COL27A1: variants seen among roughly 807,000 people sequenced by gnomAD.
COL27A1 encodes the protein collagen alpha-1(XXVII) chain.
Under a neutral mutation model 251.3 loss-of-function variants are expected in COL27A1, and 106 were observed. That is an observed-to-expected ratio of 0.42 (90% confidence interval 0.36 to 0.50). The LOEUF (loss-of-function observed/expected upper bound fraction) is 0.50, where lower values mean the gene tolerates loss of function less well. COL27A1 is among the 20% of genes least tolerant of loss of function. COL27A1 has a pLI of 0.00. For synonymous variants in COL27A1, 1,000 were observed against 986.3 expected, an observed-to-expected ratio of 1.01 and a Z score of -0.26; for missense variants, 2,325 against 2,522.8, an observed-to-expected ratio of 0.92 and a Z score of 1.68.
At chr9:114,246,546 G>C (rs539442341) in intron 24 of COL27A1, among the ~76,000 whole-genome samples, 11 of 152,190 alleles carry the variant, frequency 7.2e-5, no homozygotes, top group Non-Finnish European at 8.8e-5. Flanking sequence ...TTAACCTCTT[G>C]GCTCCAAGGT....
chr9:114,210,874 A>T, intron 11 of COL27A1, 108 bp from the exon 12 acceptor site: 1 of 1,101,028 alleles, frequency 9.1e-7, no homozygotes, highest in Non-Finnish European at 1.4e-6. Context: ...CACACATTCC[A>T]GGCCCTCTGT....
At chr9:114,222,202 T>G in intron 13 of COL27A1, 21 bp from the exon 14 acceptor site, 11 of 1,612,456 alleles carry the variant, frequency 6.8e-6, no homozygotes, top group Non-Finnish European at 8.5e-6. Flanking sequence ...AGTAACCACC[T>G]TGGTCTCTCT....
chr9:114,265,082 G>T lies in COL27A1; in HGVS notation c.3311G>T (p.Arg1104Leu), dbSNP rs146653470. The T allele has an allele frequency of 6.2e-7, 1 of 1,610,934 alleles. No individual in the cohort carries two copies. The highest frequency in any genetic ancestry group is 8.5e-7 in the Non-Finnish European group (1 of 1,178,478). The change falls in exon 31 of 61, where the codon CGA becomes CTA. Residue 1104 changes from arginine to leucine, a missense_variant. Arg to Leu is a moderately radical substitution (Grantham distance 102). Around this residue, in one of 4 missense-constraint regions of COL27A1, gnomAD observed 662 missense variants for 795.3 expected, o/e 0.83. Transcript: ENST00000356083. Reference protein sequence around the residue: ...RPGQQGVAGERGHLGSRGFPG... With the variant: ...RPGQQGVAGELGHLGSRGFPG... ...TGCTTCCAGGGTGTGGCTGGTGAGC[G>T]AGGCCACTTGGGCTCGAGAGGCTTT...
intron 25 of COL27A1, 138 bp from the exon 26 acceptor site, chr9:114,252,455 C>T: frequency 1.4e-6 from 1 of 707,600 alleles, no homozygotes; most frequent in East Asian, 2.5e-5. Context: ...TGGCCATGAA[C>T]TAGGCAGGGA....
Position 114,179,832 on chromosome 9 carries a change from C to CT in COL27A1, c.1962+1514dup, listed in dbSNP as rs139712391. On this transcript the variant is annotated intron_variant, in intron 4 of 60. Coordinates refer to ENST00000356083, the MANE Select transcript of COL27A1 (RefSeq NM_032888.4). ...GCAGTCTGCCTCCAGAGCCTACCAT[C>CT]TTTTTTTTTTTTTTTTTTTTTTTTT... Among the ~76,000 whole-genome samples, 682 of 100,144 alleles carry CT rather than the reference C, an allele frequency of 6.8e-3. 60 individuals are homozygous for CT. The highest frequency in any genetic ancestry group is 0.014 in the African/African-American group (387 of 27,286). The allele number at this position is 100,144 out of a possible 152,430, so 65.7% of individuals were successfully genotyped here. A position where few individuals can be genotyped will look rare whatever the true frequency, so the allele number is the denominator to read the frequency against.
rs544184263 is a variant in COL27A1 at position 114,246,387 on chromosome 9, G to A, written c.2979+477G>A. 1.1e-4 allele frequency among the ~76,000 whole-genome samples: 16 copies of A among 152,322 alleles called. No homozygotes were observed. The East Asian group carries it at 2.9e-3, about 28-fold the overall frequency. ...TGGCTGGTTGAGAAGCTGGGTCAAG[G>A]TCTGAAGAAGAGAAGAGGTTGCAAC... On this transcript the variant is annotated intron_variant, in intron 24 of 60. Transcript: ENST00000356083.
intron 28 of COL27A1, 42 bp from the exon 29 acceptor site, chr9:114,264,313 A>C: frequency 6.7e-7 from 1 of 1,494,536 alleles, no homozygotes; most frequent in Non-Finnish European, 9.0e-7. Flanking sequence ...CCCGAGGGAG[A>C]CCCCTGCTGT....
intron 12 of COL27A1, chr9:114,218,109 G>A (rs1830831053): frequency 8.4e-6 from 2 of 237,434 alleles, no homozygotes; most frequent in East Asian, 1.2e-4. Context: ...CCTGTATCAT[G>A]AAAAAAAAAG....
At chr9:114,226,296 A>T (rs978826988) in intron 14 of COL27A1, among the ~76,000 whole-genome samples, 2 of 152,184 alleles carry the variant, frequency 1.3e-5, no homozygotes, top group Admixed American at 1.3e-4. Flanking sequence ...AAGCAAAGTT[A>T]GATACCCCAC....
intron 25 of COL27A1, 78 bp downstream of exon 25, chr9:114,250,746 A>C: frequency 7.5e-7 from 1 of 1,338,020 alleles, no homozygotes; most frequent in Non-Finnish European, 1.1e-6. Flanking sequence ...AGGCCCTTTG[A>C]CCTGGGGATT....
At chr9:114,307,555 C>A (rs1829143075) in intron 58 of COL27A1, 114 bp from the exon 59 acceptor site, 2 of 755,300 alleles carry the variant, frequency 2.6e-6, no homozygotes, top group Non-Finnish European at 4.7e-6. Context: ...CCCACCCTGA[C>A]TTCATGCTCA....
At chr9:114,203,342 G>A (rs1292785378) in intron 7 of COL27A1, among the ~76,000 whole-genome samples, 8 of 152,102 alleles carry the variant, frequency 5.3e-5, no homozygotes, top group African/African-American at 9.7e-5. Flanking sequence ...CAAATACTGC[G>A]CTTTACACAC....
Position 114,217,801 on chromosome 9 carries a change from G to A in COL27A1, c.2368-1990G>A, listed in dbSNP as rs577335524. ...CTACCCCAAAGTTCAGAGGCCAGAG[G>A]TGGGAACTCAATGCCTTCAGAAGGT... On this transcript the variant is annotated intron_variant, in intron 12 of 60. Coordinates refer to ENST00000356083, the MANE Select transcript of COL27A1 (RefSeq NM_032888.4). 177 of 470,826 alleles carry A rather than the reference G, an allele frequency of 3.8e-4. 1 individual carries two copies. The highest frequency in any genetic ancestry group is 6.9e-4 in the Non-Finnish European group (156 of 226,902). The allele number at this position is 470,826 out of a possible 1,614,324, so 29.2% of individuals were successfully genotyped here.
At chr9:114,264,303 C>A in intron 28 of COL27A1, 52 bp from the exon 29 acceptor site, 1 of 1,455,234 alleles carries the variant, frequency 6.9e-7, no homozygotes, top group South Asian at 1.4e-5. Flanking sequence ...TGGTTCTCCG[C>A]CCGAGGGAGA....
intron 41 of COL27A1, among the ~76,000 whole-genome samples, chr9:114,287,450 A>G (rs1378566117): frequency 1.3e-5 from 2 of 151,982 alleles, no homozygotes; most frequent in African/African-American, 4.8e-5. Context: ...CTGTGGGTGG[A>G]CCAGGGCCTG....
intron 1 of COL27A1, among the ~76,000 whole-genome samples, chr9:114,156,320 G>A (rs1214309025): frequency 6.6e-6 from 1 of 151,526 alleles, no homozygotes; most frequent in Non-Finnish European, 1.5e-5. Context: ...GCGGGGTGCG[G>A]AGGGGGGCTT....
At chr9:114,287,208 C>G (rs1401352650) in intron 41 of COL27A1, among the ~76,000 whole-genome samples, 1 of 152,174 alleles carries the variant, frequency 6.6e-6, no homozygotes, top group Non-Finnish European at 1.5e-5. Context: ...TTTAGAACTG[C>G]CTCCCACCAG....
chr9:114,234,460 C>T (rs965514213), intron 16 of COL27A1, among the ~76,000 whole-genome samples: 3 of 152,036 alleles, frequency 2.0e-5, no homozygotes, highest in African/African-American at 7.3e-5. Flanking sequence ...TAAATGTTTT[C>T]GGAATCCTGG....
intron 10 of COL27A1, 98 bp from the exon 11 acceptor site, chr9:114,209,577 C>A: frequency 9.1e-7 from 1 of 1,102,130 alleles, no homozygotes; most frequent in Non-Finnish European, 1.4e-6. Flanking sequence ...AGAGGAGGAG[C>A]CGGGATGTGG....
Sources: allele counts gnomAD v4.1 joint callset (sites outside exome capture counted in the v4.1 genomes callset), GRCh38; gene constraint gnomAD v4.1.1; regional missense constraint gnomAD v4.1.1; transcripts MANE v1.5; gene names NCBI Gene and HGNC (gene_info 2026-07-23, HGNC 2026-07-21).